Variants in SELENOF observed in about 807,000 individuals in gnomAD.
The protein encoded by SELENOF is 15 kDa selenoprotein.
A neutral mutation model predicts 20.5 loss-of-function variants in SELENOF; 16 were observed. The observed-to-expected ratio is 0.78, with a 90% confidence interval of 0.53 to 1.19. The LOEUF (loss-of-function observed/expected upper bound fraction) is 1.19. SELENOF is among the 50% of genes most tolerant of loss of function. The probability of loss-of-function intolerance (pLI) is 0.00; values close to 1 mark genes in which losing one functional copy is unlikely to be tolerated. For synonymous variants in SELENOF, 78 were observed against 74.5 expected, an observed-to-expected ratio of 1.05 and a Z score of -0.24; for missense variants, 215 against 194.2, an observed-to-expected ratio of 1.11 and a Z score of -0.64.
intron 2 of SELENOF, among the ~76,000 whole-genome samples, chr1:86,881,207 T>C (rs529898425): frequency 6.6e-6 from 1 of 152,300 alleles, no homozygotes; most frequent in Non-Finnish European, 1.5e-5. Flanking sequence ...TATGTGGAGA[T>C]ATTATAAGAA....
At chr1:86,913,855 G>C in intron 1 of SELENOF, 173 bp downstream of exon 1, 1 of 621,436 alleles carries the variant, frequency 1.6e-6, no homozygotes. Context: ...ACCCAAGGCG[G>C]GGAAGGAGAA....
intron 1 of SELENOF, among the ~76,000 whole-genome samples, chr1:86,907,241 C>T (rs2102131136): frequency 6.6e-6 from 1 of 152,296 alleles, no homozygotes; most frequent in East Asian, 1.9e-4. Context: ...ACAGTAGGTA[C>T]TGAATACATG....
chr1:86,865,439 C>T (rs1658567516), intron 4 of SELENOF, among the ~76,000 whole-genome samples: 1 of 152,118 alleles, frequency 6.6e-6, no homozygotes, highest in African/African-American at 2.4e-5. Context: ...TTAACAACAA[C>T]AACCAAAAAT....
intron 3 of SELENOF, among the ~76,000 whole-genome samples, chr1:86,875,414 T>C (rs1039728598): frequency 6.6e-6 from 1 of 152,166 alleles, no homozygotes; most frequent in African/African-American, 2.4e-5. Flanking sequence ...TAAAAAATTA[T>C]GACTTTTAGG....
chr1:86,907,992 A>C (rs1037090332), intron 1 of SELENOF, among the ~76,000 whole-genome samples: 10 of 141,338 alleles, frequency 7.1e-5, no homozygotes, highest in Middle Eastern at 3.5e-3. Flanking sequence ...ATCTCAAAAA[A>C]AAAAACAAAA....
At chr1:86,872,472 G>A (rs897173889) in intron 3 of SELENOF, among the ~76,000 whole-genome samples, 37 of 151,604 alleles carry the variant, frequency 2.4e-4, no homozygotes, top group Admixed American at 2.4e-3. Context: ...GGGTTCAGGC[G>A]ATTCTCCTGC....
At chr1:86,875,241 GA>G (rs11367921) in intron 3 of SELENOF, among the ~76,000 whole-genome samples, 43,653 of 135,494 alleles carry the variant, frequency 0.32, 8,358 homozygotes, top group African/African-American at 0.58. Context: ...ACTCCGTCTC[GA>G]AAAAAAAAAA....
chr1:86,895,918 G>A (rs551499243), intron 2 of SELENOF, among the ~76,000 whole-genome samples: 47 of 152,246 alleles, frequency 3.1e-4, no homozygotes, highest in African/African-American at 1.1e-3. Flanking sequence ...AAAAGAAAAG[G>A]TACTAACTAA....
chr1:86,871,984 C>T (rs766783847), intron 3 of SELENOF, among the ~76,000 whole-genome samples: 2 of 151,830 alleles, frequency 1.3e-5, no homozygotes, highest in Non-Finnish European at 2.9e-5. Context: ...TGGAGGAGGG[C>T]AGCTGGAATA....
chr1:86,875,434 G>T (rs1658901222), intron 3 of SELENOF, among the ~76,000 whole-genome samples: 1 of 152,026 alleles, frequency 6.6e-6, no homozygotes, highest in African/African-American at 2.4e-5. Flanking sequence ...GAAAAGATGA[G>T]AACTTTTTAT....
At chr1:86,912,172 C>G (rs769202855) in intron 1 of SELENOF, among the ~76,000 whole-genome samples, 1 of 152,106 alleles carries the variant, frequency 6.6e-6, no homozygotes. Flanking sequence ...AACCAAGACG[C>G]TGTTATTTCT....
At chr1:86,870,795 A>AT (rs1352972303) in intron 3 of SELENOF, among the ~76,000 whole-genome samples, 2 of 151,744 alleles carry the variant, frequency 1.3e-5, no homozygotes, top group Non-Finnish European at 2.9e-5. Flanking sequence ...ATTTTTTTTT[A>AT]TTTTTAGTAG....
chr1:86,865,697 C>T (rs1028312420), intron 4 of SELENOF, among the ~76,000 whole-genome samples: 4 of 151,992 alleles, frequency 2.6e-5, no homozygotes, highest in Admixed American at 6.6e-5. Context: ...GAAGTCATTA[C>T]GGAAAACAGT....
At chr1:86,913,384 T>C (rs1316906818) in intron 1 of SELENOF, among the ~76,000 whole-genome samples, 1 of 143,208 alleles carries the variant, frequency 7.0e-6, no homozygotes, top group Non-Finnish European at 1.5e-5. Flanking sequence ...TAGAGAAAAA[T>C]GAAATAAAAA....
At chr1:86,894,828 C>A (rs1054694471) in intron 2 of SELENOF, among the ~76,000 whole-genome samples, 1 of 151,900 alleles carries the variant, frequency 6.6e-6, no homozygotes, top group Non-Finnish European at 1.5e-5. Context: ...CAGAGGGAAA[C>A]CCTATCTCTA....
At chr1:86,883,471 T>G (rs75310297) in intron 2 of SELENOF, among the ~76,000 whole-genome samples, 1 of 151,582 alleles carries the variant, frequency 6.6e-6, no homozygotes, top group Admixed American at 6.6e-5. Context: ...GTATAGTGTA[T>G]GTACACTAGT....
intron 3 of SELENOF, among the ~76,000 whole-genome samples, chr1:86,868,902 C>T (rs923658535): frequency 6.6e-6 from 1 of 152,024 alleles, no homozygotes; most frequent in Non-Finnish European, 1.5e-5. Flanking sequence ...AAAATTATCT[C>T]TAACATCTAA....
chr1:86,880,073 G>A (rs909115865), intron 3 of SELENOF, among the ~76,000 whole-genome samples: 14 of 151,868 alleles, frequency 9.2e-5, no homozygotes, highest in African/African-American at 3.4e-4. Context: ...ATTCCCACCC[G>A]GCAAAGGAAA....
chr1:86,888,919 T>C lies in SELENOF; in HGVS notation c.253-8194A>G, dbSNP rs549238893. On this transcript the variant is annotated intron_variant, in intron 2 of 4. Coordinates refer to ENST00000331835, the MANE Select transcript of SELENOF (RefSeq NM_004261.5). ...GCCTTGGCCTCCCAAAGTGCTAGGA[T>C]TACAGGCGTGCCTGGCCAGTTATGA... Among the ~76,000 whole-genome samples, 713 of 152,338 alleles carry C rather than the reference T, an allele frequency of 4.7e-3. 1 individual carries two copies. The highest frequency in any genetic ancestry group is 7.0e-3 in the Non-Finnish European group (475 of 68,020).
Sources: allele counts gnomAD v4.1 joint callset (sites outside exome capture counted in the v4.1 genomes callset), GRCh38; gene constraint gnomAD v4.1.1; transcripts MANE v1.5; gene names NCBI Gene and HGNC (gene_info 2026-07-23, HGNC 2026-07-21).